The following PRR12 variants were observed in gnomAD, a reference collection of about 807,000 sequenced individuals.
The protein encoded by PRR12 is proline-rich protein 12.
PRR12 carries 12 observed loss-of-function variants against 138.0 expected under a neutral mutation model. The ratio of observed to expected loss-of-function variants is 0.09; its 90% CI spans 0.06 to 0.14. The LOEUF is 0.14. Ranked by LOEUF, PRR12 falls within the 10% of genes least tolerant of loss-of-function variation. PRR12 has a pLI of 1.00. For missense variants in PRR12, 2,692 were observed against 2,861.3 expected (o/e 0.94, Z 1.35); for synonymous variants, 1,567 against 1,291.7 (o/e 1.21, Z -4.57).
chr19:49,623,926 G>A (rs1179777160), intron 11 of PRR12, among the ~76,000 whole-genome samples: 1 of 151,122 alleles, frequency 6.6e-6, no homozygotes, highest in African/African-American at 2.4e-5. Context: ...GGAATTCTGG[G>A]GTAGGTGGTT....
Position 49,596,023 on chromosome 19 carries a change from A to T in PRR12, c.1688A>T (p.His563Leu). ...GGCGGCGGTGAGGCCAGCCCATCTC[A>T]CATCATTCGTCCGCTCCAGTCACCG... ...LGGGGEASPS[H>L]IIRPLQSPPA... Residue 563 changes from histidine (H) to leucine (L), a missense_variant, in exon 4 of 14, where the codon CAC becomes CTC. This residue lies in a region of PRR12 where 66 missense variants were observed against 102.4 expected (regional missense o/e 0.64). Transcript: ENST00000418929. This position sits in a 1 kb window ranked among gnomAD's most constrained non-coding sequence, Gnocchi z 5.6. The T allele has an allele frequency of 6.2e-7, 1 of 1,601,312 alleles. No individual in the cohort carries two copies.
chr19:49,594,930 G>A lies in PRR12; in HGVS notation c.595G>A (p.Val199Met). 1 of 1,606,218 alleles carries A rather than the reference G, an allele frequency of 6.2e-7. No individual in the cohort carries two copies. The highest frequency in any genetic ancestry group is 8.5e-7 in the Non-Finnish European group (1 of 1,177,096). ...LHLKPSQAPT[V>M]PSSLGFERLA... ...CCTGAAGCCCTCGCAGGCACCCACG[G>A]TGCCCTCTTCACTGGGCTTCGAGCG... The change falls in exon 4 of 14, where the codon GTG (valine) becomes ATG (methionine). Residue 199 changes from valine to methionine, a missense_variant. By Grantham distance (21) the Val-to-Met change is conservative (BLOSUM62 1). Around this residue, in one of 11 missense-constraint regions of PRR12, gnomAD observed 523 missense variants for 496.4 expected, o/e 1.05. Transcript: ENST00000418929. This position sits in a 1 kb window ranked among gnomAD's most constrained non-coding sequence, Gnocchi z 5.6.
Position 49,616,159 on chromosome 19 carries a change from G to A in PRR12, c.5437G>A (p.Gly1813Arg), listed in dbSNP as rs575045686. The change falls in exon 9 of 14, where the codon GGG becomes AGG. Residue 1813 changes from glycine (G) to arginine (R), a missense_variant. By Grantham distance (125) the Gly-to-Arg change is moderately radical (BLOSUM62 -2). This residue lies in a region of PRR12 where 259 missense variants were observed against 265.1 expected (regional missense o/e 0.98). Coordinates refer to ENST00000418929, the MANE Select transcript of PRR12 (RefSeq NM_020719.3). The surrounding 1 kb of genome is among the most constrained non-coding windows in gnomAD (Gnocchi z 4.2). ...GGCAGGCGGCAACGCTACAGCAGGCGGGGGCCCACCAGGCAGCTCCTCGGA... is the reference window on the plus strand; with the variant it reads ...GGCAGGCGGCAACGCTACAGCAGGCAGGGGCCCACCAGGCAGCTCCTCGGA... ...KEAGGNATAG[G>R]GPPGSSSDSE... 4.0e-4 allele frequency: 622 copies of A among 1,561,102 alleles called. 3 individuals carry two copies. The Middle Eastern group carries it at 4.5e-3, about 11-fold the overall frequency.
intron 6 of PRR12, among the ~76,000 whole-genome samples, chr19:49,603,259 G>C (rs2080821391): frequency 1.3e-5 from 2 of 152,274 alleles, no homozygotes; most frequent in Admixed American, 6.5e-5. Flanking sequence ...GCATGCGGCT[G>C]AGCAGGTGCT....
rs371536420 is a variant in PRR12, at chr19:49,595,734, C to G, written c.1399C>G (p.Gln467Glu). 4 of 1,594,678 alleles carry G rather than the reference C, an allele frequency of 2.5e-6. No individual in the cohort carries two copies. The African/African-American group carries it at 5.4e-5, about 21-fold the overall frequency. Residue 467 changes from glutamine to glutamate, a missense_variant, in exon 4 of 14, where the codon CAG becomes GAG. Physicochemically the swap from Gln to Glu is conservative, Grantham distance 29. Coordinates refer to ENST00000418929, the MANE Select transcript of PRR12 (RefSeq NM_020719.3). ...GCAAGGGTTTGGAGGGGGGCAGGCA[C>G]AGGACTTGAGCAAAGCCCCCAGCTA... The part of the protein sequence containing the change: ...YGQGFGGGQA[Q>E]DLSKAPSYSG...
In PRR12 at chr19:49,597,220, A is replaced by G. The variant is rs2080778054; in HGVS notation, c.2885A>G (p.Tyr962Cys). ...EMFGGGAADD[Y>C]GKAGPPEDEG... ...TTCGGTGGAGGGGCCGCGGACGACT[A>G]CGGCAAGGCCGGGCCACCTGAGGAC... Residue 962 changes from tyrosine to cysteine, a missense_variant, in exon 4 of 14, where the codon TAC (tyrosine) becomes TGC (cysteine). By Grantham distance (194) the Tyr-to-Cys change is radical. This residue lies in a region of PRR12 where 840 missense variants were observed against 689.8 expected (regional missense o/e 1.22). Coordinates refer to ENST00000418929, the MANE Select transcript of PRR12 (RefSeq NM_020719.3). The surrounding 1 kb of genome is among the most constrained non-coding windows in gnomAD (Gnocchi z 6.3). 1 of 1,568,394 alleles carries G rather than the reference A, an allele frequency of 6.4e-7. No individual in the cohort carries two copies. The highest frequency in any genetic ancestry group is 2.3e-5 in the East Asian group (1 of 42,716).
Position 49,624,997 on chromosome 19 carries a change from A to AATGGGG in PRR12, c.5868+7_5868+8insATGGGG, listed in dbSNP as rs1568433570. On this transcript the variant is annotated splice_region_variant and intron_variant, in intron 12 of 13. Coordinates refer to ENST00000418929, the MANE Select transcript of PRR12 (RefSeq NM_020719.3). Reference sequence around the variant, plus strand: ...GAGCGTGGTCAGAGCCCAGGTGGGCACTGGGGCTGGGGCTGGGAGTGGGGA... The same window carrying AATGGGG: ...GAGCGTGGTCAGAGCCCAGGTGGGCAATGGGGCTGGGGCTGGGGCTGGGAGTGGGGA... 3.1e-6 allele frequency: 5 copies of AATGGGG among 1,601,900 alleles called. No individual in the cohort carries two copies. The highest frequency in any genetic ancestry group is 4.3e-6 in the Non-Finnish European group (5 of 1,173,094).
At chr19:49,621,651 TG>T in intron 11 of PRR12, 29 bp downstream of exon 11, 1 of 1,533,210 alleles carries the variant, frequency 6.5e-7, no homozygotes. Context: ...AGGGGGTGTC[TG>T]GGGCCCAGGG....
chr19:49,599,627 G>A lies in PRR12; in HGVS notation c.4034G>A (p.Gly1345Asp). Reference protein sequence around the residue: ...PPPSGAFGLGGALEAAESEGL... With the variant: ...PPPSGAFGLGDALEAAESEGL... ...CCTTCCGGAGCCTTTGGGCTTGGGG[G>A]CGCCCTGGAGGCTGCAGAGAGTGAG... is the stretch of plus-strand genomic sequence containing the variant. The change falls in exon 5 of 14, where the codon GGC (glycine) becomes GAC (aspartate). Residue 1345 changes from glycine to aspartate, a missense_variant. Coordinates refer to ENST00000418929, the MANE Select transcript of PRR12 (RefSeq NM_020719.3). The surrounding 1 kb of genome is among the most constrained non-coding windows in gnomAD (Gnocchi z 5.0). The A allele has an allele frequency of 6.2e-7, 1 of 1,604,384 alleles. No homozygotes were observed. The highest frequency in any genetic ancestry group is 8.5e-7 in the Non-Finnish European group (1 of 1,173,658).
rs2080890419 is a variant in PRR12 at position 49,615,952 on chromosome 19, AAGG to A, written c.5233_5235del (p.Glu1745del). ...GCGGCCTGTTGAGAAGGAAAAGGAG[AAGG>A]AGAAGGTGACACGTGGAGAGCGGCC... On this transcript the variant is annotated inframe_deletion, in exon 9 of 14. Coordinates refer to ENST00000418929, the MANE Select transcript of PRR12 (RefSeq NM_020719.3). 6.4e-7 allele frequency: 1 copy of A among 1,553,080 alleles called. No homozygotes were observed. Among genetic ancestry groups the A allele is most frequent in the Non-Finnish European group, 8.7e-7 (1 of 1,148,006 alleles).
At chr19:49,622,186 G>A (rs2080926719) in intron 11 of PRR12, among the ~76,000 whole-genome samples, 1 of 152,190 alleles carries the variant, frequency 6.6e-6, no homozygotes, top group African/African-American at 2.4e-5. Context: ...GACTTGCAGT[G>A]ATTCTGAGAA....
At chr19:49,591,809 G>T (rs574086945) in intron 1 of PRR12, 69 bp downstream of exon 1, 1 of 973,572 alleles carries the variant, frequency 1.0e-6, no homozygotes, top group Non-Finnish European at 1.4e-6. Context: ...GGGCCGGGCC[G>T]GGCCGGGCCC....
chr19:49,594,694 C>T lies in PRR12; in HGVS notation c.362-3C>T. 2 of 1,612,286 alleles carry T rather than the reference C, an allele frequency of 1.2e-6. No individual in the cohort carries two copies. Among genetic ancestry groups the T allele is most frequent in the East Asian group, 2.2e-5 (1 of 44,870 alleles). On this transcript the variant is annotated splice_region_variant and splice_polypyrimidine_tract_variant and intron_variant, in intron 3 of 13. Transcript: ENST00000418929. The surrounding 1 kb of genome is among the most constrained non-coding windows in gnomAD (Gnocchi z 5.6). ...TCTGACGCGCGGTCTTCCTCATCTCCAGCCATGCACACGCCAGGCCCCACG... is the reference window on the plus strand; with the variant it reads ...TCTGACGCGCGGTCTTCCTCATCTCTAGCCATGCACACGCCAGGCCCCACG...
At position 49,595,342 on chromosome 19, in the gene PRR12, G is replaced by C; in HGVS notation, c.1007G>C (p.Gly336Ala). ...RANLACSPLG[G>A]GEPSPGAGEP... ...AACCTGGCCTGCAGCCCCCTGGGTG[G>C]TGGGGAGCCCTCCCCGGGTGCTGGG... is the stretch of plus-strand genomic sequence containing the variant. The change falls in exon 4 of 14, where the codon GGT becomes GCT. Residue 336 changes from glycine (G) to alanine (A), a missense_variant. Around this residue, in one of 11 missense-constraint regions of PRR12, gnomAD observed 523 missense variants for 496.4 expected, o/e 1.05. Transcript: ENST00000418929. 3 of 1,542,946 alleles carry C rather than the reference G, an allele frequency of 1.9e-6. No homozygotes were observed. The highest frequency in any genetic ancestry group is 2.6e-6 in the Non-Finnish European group (3 of 1,144,278).
chr19:49,613,774 G>A (rs2080878158), intron 6 of PRR12, among the ~76,000 whole-genome samples: 1 of 152,130 alleles, frequency 6.6e-6, no homozygotes, highest in Non-Finnish European at 1.5e-5. Context: ...AGACTCCTCA[G>A]GTTGCTATAC....
At chr19:49,610,538 CT>C (rs2080860461) in intron 6 of PRR12, among the ~76,000 whole-genome samples, 1 of 110,242 alleles carries the variant, frequency 9.1e-6, no homozygotes, top group Admixed American at 8.7e-5. Flanking sequence ...TGGTAAAACC[CT>C]GTTCCTATTT....
chr19:49,610,842 C>CT (rs2080862574), intron 6 of PRR12, among the ~76,000 whole-genome samples: 1 of 151,176 alleles, frequency 6.6e-6, no homozygotes, highest in African/African-American at 2.4e-5. Flanking sequence ...TGCGCCCGGC[C>CT]TTTTTTTTGT....
intron 11 of PRR12, among the ~76,000 whole-genome samples, chr19:49,622,347 A>G (rs886690327): frequency 1.3e-5 from 2 of 152,042 alleles, no homozygotes; most frequent in Non-Finnish European, 2.9e-5. Flanking sequence ...TTGGGAAGCC[A>G]AGGCCGGTAG....
In PRR12 at chr19:49,593,341, G is replaced by A; in HGVS notation, c.101G>A (p.Ser34Asn). 1 of 1,606,174 alleles carries A rather than the reference G, an allele frequency of 6.2e-7. No individual in the cohort carries two copies. Reference sequence around the variant, plus strand: ...TTTCCCCCCAGCTTGGTTTATGGCAGCTCCAGGACCTCGCACCCCGAGACG... The same window carrying A: ...TTTCCCCCCAGCTTGGTTTATGGCAACTCCAGGACCTCGCACCCCGAGACG... ...RSAKASLVYG[S>N]SRTSHPETDI... The change falls in exon 2 of 14, where the codon AGC (serine) becomes AAC (asparagine). Residue 34 changes from serine to asparagine, a missense_variant. Ser to Asn is a conservative substitution (Grantham distance 46). Coordinates refer to ENST00000418929, the MANE Select transcript of PRR12 (RefSeq NM_020719.3).
Sources: gnomAD v4.1 joint callset for allele counts (sites outside exome capture counted in the v4.1 genomes callset) on GRCh38, gnomAD v4.1.1 for gene constraint, gnomAD v4.1.1 regional missense constraint, Gnocchi (gnomAD v3.1) non-coding constraint, MANE v1.5 for transcripts, NCBI Gene and HGNC (gene_info 2026-07-23, HGNC 2026-07-21) for gene names.